CCDC138: variants seen among roughly 807,000 people sequenced by gnomAD.
CCDC138 encodes the protein coiled-coil domain containing 138.
Under a neutral mutation model 82.3 loss-of-function variants are expected in CCDC138, and 66 were observed. The ratio of observed to expected loss-of-function variants is 0.80; its 90% CI spans 0.66 to 0.98. The LOEUF is 0.98. Ranked by LOEUF, CCDC138 falls within the 50% of genes least tolerant of loss-of-function variation. The pLI, the probability that CCDC138 is intolerant of heterozygous loss-of-function variation, is 0.00. For missense variants in CCDC138, 816 were observed against 758.9 expected (o/e 1.08, Z -0.88); for synonymous variants, 297 against 265.4 (o/e 1.12, Z -1.16).
chr2:108,824,484 A>C (rs1365438133), intron 10 of CCDC138, among the ~76,000 whole-genome samples: 1 of 152,196 alleles, frequency 6.6e-6, no homozygotes, highest in Admixed American at 6.5e-5. Flanking sequence ...ATTTTGTTCC[A>C]CTGGAAGGTC....
At chr2:108,827,591 C>CG (rs1553416407) in intron 10 of CCDC138, among the ~76,000 whole-genome samples, 3 of 151,926 alleles carry the variant, frequency 2.0e-5, no homozygotes, top group African/African-American at 7.2e-5. Flanking sequence ...CCAAGGTGGG[C>CG]GGATCACGAG....
At chr2:108,873,328 A>G in intron 13 of CCDC138, 123 bp from the exon 14 acceptor site, 1 of 905,004 alleles carries the variant, frequency 1.1e-6, no homozygotes, top group Non-Finnish European at 1.5e-6. Flanking sequence ...AAATTTAAGT[A>G]TGAAAAGAAT....
At chr2:108,790,065 T>C (rs1032017606) in intron 3 of CCDC138, among the ~76,000 whole-genome samples, 3 of 152,204 alleles carry the variant, frequency 2.0e-5, no homozygotes, top group African/African-American at 7.2e-5. Flanking sequence ...TACAGTTTTC[T>C]CTTTCTCTAC....
chr2:108,853,871 AC>A (rs1558736717), intron 12 of CCDC138, among the ~76,000 whole-genome samples: 1 of 125,140 alleles, frequency 8.0e-6, no homozygotes, highest in African/African-American at 3.1e-5. Flanking sequence ...TAATATATAT[AC>A]TATATAATAT....
chr2:108,789,629 C>G (rs1308014270), intron 3 of CCDC138, among the ~76,000 whole-genome samples: 1 of 152,084 alleles, frequency 6.6e-6, no homozygotes, highest in Non-Finnish European at 1.5e-5. Flanking sequence ...AACTGCCATA[C>G]AGGTTTTGTT....
chr2:108,805,724 C>CA (rs752120147), intron 7 of CCDC138, among the ~76,000 whole-genome samples: 240 of 135,144 alleles, frequency 1.8e-3, no homozygotes, highest in Middle Eastern at 3.9e-3. Flanking sequence ...GAGACTGTCT[C>CA]AAAAAAAAAA....
chr2:108,864,243 C>T (rs1237471949), intron 13 of CCDC138, among the ~76,000 whole-genome samples: 1 of 151,902 alleles, frequency 6.6e-6, no homozygotes, highest in Non-Finnish European at 1.5e-5. Context: ...GCTAAGAAAG[C>T]AAATAATTAA....
intron 12 of CCDC138, among the ~76,000 whole-genome samples, chr2:108,853,228 T>C (rs939862308): frequency 3.3e-5 from 5 of 152,226 alleles, no homozygotes; most frequent in East Asian, 1.9e-4. Flanking sequence ...CTTGATTGTT[T>C]CAGATTTATT....
At position 108,840,497 on chromosome 2, in the gene CCDC138, T is replaced by C. The variant is rs561355657; in HGVS notation, c.1323+1196T>C. On this transcript the variant is annotated intron_variant, in intron 11 of 14. Transcript: ENST00000295124. Reference sequence around the variant, plus strand: ...GGAGGTTTTAAATTATGAATTTAAGTTCTTTAATAGTTACAGGGCTGTTCT... The same window carrying C: ...GGAGGTTTTAAATTATGAATTTAAGCTCTTTAATAGTTACAGGGCTGTTCT... 2.0e-5 allele frequency among the ~76,000 whole-genome samples: 3 copies of C among 152,288 alleles called. No homozygotes were observed. The East Asian group carries it at 5.8e-4, about 29-fold the overall frequency.
chr2:108,831,408 A>G (rs969452997), intron 10 of CCDC138, among the ~76,000 whole-genome samples: 2 of 152,232 alleles, frequency 1.3e-5, no homozygotes, highest in African/African-American at 4.8e-5. Context: ...CATTCAAAAG[A>G]TAAGAAAAAG....
intron 14 of CCDC138, among the ~76,000 whole-genome samples, chr2:108,875,587 G>A (rs146124644): frequency 4.4e-4 from 67 of 152,338 alleles, no homozygotes; most frequent in African/African-American, 1.5e-3. Flanking sequence ...GCTGGGCACA[G>A]TGGTTCACAT....
chr2:108,860,333 C>T (rs187339962), intron 13 of CCDC138, among the ~76,000 whole-genome samples: 2 of 152,164 alleles, frequency 1.3e-5, no homozygotes, highest in East Asian at 3.9e-4. Context: ...TTATTTCTTT[C>T]TCTTGGCCAA....
intron 12 of CCDC138, among the ~76,000 whole-genome samples, chr2:108,855,625 C>T (rs1459521123): frequency 6.6e-6 from 1 of 152,042 alleles, no homozygotes; most frequent in Non-Finnish European, 1.5e-5. Context: ...TGTTGGTGTT[C>T]CTTGAACTAA....
chr2:108,855,888 G>A (rs1558741778), intron 12 of CCDC138, among the ~76,000 whole-genome samples: 1 of 152,152 alleles, frequency 6.6e-6, no homozygotes, highest in Non-Finnish European at 1.5e-5. Context: ...GTGCTCTTGA[G>A]TCTTCTCCTT....
intron 10 of CCDC138, among the ~76,000 whole-genome samples, chr2:108,820,722 AC>A (rs377233155): frequency 6.7e-6 from 1 of 148,416 alleles, no homozygotes; most frequent in African/African-American, 2.5e-5. Flanking sequence ...AAAACAAACA[AC>A]AAAACTGTTA....
intron 13 of CCDC138, among the ~76,000 whole-genome samples, chr2:108,858,345 A>AAAAC (rs373849773): frequency 8.6e-5 from 13 of 151,934 alleles, no homozygotes; most frequent in Non-Finnish European, 1.5e-4. Flanking sequence ...CTCCGTCTCA[A>AAAAC]AAACAAACAA....
intron 13 of CCDC138, among the ~76,000 whole-genome samples, chr2:108,857,360 C>T (rs1042641070): frequency 1.3e-5 from 2 of 152,004 alleles, no homozygotes; most frequent in African/African-American, 4.8e-5. Flanking sequence ...TGAGCCACTG[C>T]GCCCGGACTA....
At position 108,861,883 on chromosome 2, in the gene CCDC138, GTATGT is replaced by G. The variant is rs1292679571; in HGVS notation, c.1693+4917_1693+4921del. Among the ~76,000 whole-genome samples the G allele has an allele frequency of 2.6e-5, 4 of 152,132 alleles. No homozygotes were observed. In the East Asian group the frequency reaches 5.8e-4, roughly 22 times the overall value. On this transcript the variant is annotated intron_variant, in intron 13 of 14. Transcript: ENST00000295124. ...TTTTTACTGTATCCTACAGGTTTTG[GTATGT>G]TATATCTTGATTTTCACTGTTTCAA...
At chr2:108,849,197 A>G (rs763271183) in intron 12 of CCDC138, among the ~76,000 whole-genome samples, 7 of 152,218 alleles carry the variant, frequency 4.6e-5, no homozygotes, top group African/African-American at 7.2e-5. Flanking sequence ...AAAATCTACA[A>G]AAAAGAAAAC....
Sources: allele counts gnomAD v4.1 joint callset (sites outside exome capture counted in the v4.1 genomes callset), GRCh38; gene constraint gnomAD v4.1.1; transcripts MANE v1.5; gene names NCBI Gene and HGNC (gene_info 2026-07-23, HGNC 2026-07-21).